ANO4: variants seen among roughly 807,000 people sequenced by gnomAD.
The protein encoded by ANO4 is anoctamin-4.
Under a neutral mutation model 141.9 loss-of-function variants are expected in ANO4, and 69 were observed. The observed-to-expected ratio is 0.49, with a 90% CI of 0.40 to 0.59. ANO4 has a LOEUF of 0.59. ANO4 is among the 20% of genes least tolerant of loss of function. ANO4 has a pLI of 0.00. For synonymous variants in ANO4, 350 were observed against 394.3 expected (o/e 0.89, Z 1.33); for missense variants, 894 against 1,162.2 (o/e 0.77, Z 3.36).
intron 17 of ANO4, among the ~76,000 whole-genome samples, chr12:101,088,303 T>C (rs993285329): frequency 6.6e-6 from 1 of 152,160 alleles, no homozygotes; most frequent in Admixed American, 6.5e-5. Flanking sequence ...CCAGTCTTTG[T>C]TCAAATGTCA....
rs531122449 is a variant in ANO4, at chr12:100,955,431, G to A, written c.456+12896G>A. ...GCTGCCTAGGCTTTCTCATGACATC[G>A]TGGCTGGGTTCTAGGAGAACAAGGT... On this transcript the variant is annotated intron_variant, in intron 5 of 27. Transcript: ENST00000392977. Among the ~76,000 whole-genome samples the A allele has an allele frequency of 1.2e-3, 186 of 152,230 alleles. 1 individual carries two copies. Among genetic ancestry groups the A allele is most frequent in the African/African-American group, 3.9e-3 (164 of 41,538 alleles).
At chr12:101,075,288 A>C (rs2048976938) in intron 14 of ANO4, among the ~76,000 whole-genome samples, 1 of 152,212 alleles carries the variant, frequency 6.6e-6, no homozygotes, top group African/African-American at 2.4e-5. Context: ...GTCAGGGCAG[A>C]GCGAGTTGGG....
rs569160889 is a variant in ANO4 at position 100,890,238 on chromosome 12, T to A, written c.-140-11408T>A. On this transcript the variant is annotated intron_variant, in intron 1 of 27. Transcript: ENST00000392977. ...GCTCACGTAGTAACTCAATCATAAC[T>A]CATCAGAAGTTCCACAGCTACTACA... is the stretch of plus-strand genomic sequence containing the variant. Among the ~76,000 whole-genome samples the A allele has an allele frequency of 2.0e-5, 3 of 152,292 alleles. No individual in the cohort carries two copies. The South Asian group carries it at 6.2e-4, about 32-fold the overall frequency.
chr12:100,776,071 T>C (rs967313619), intron 3 of ANO4, among the ~76,000 whole-genome samples: 7 of 152,218 alleles, frequency 4.6e-5, no homozygotes, highest in Non-Finnish European at 1.0e-4. Context: ...CATTCATGAA[T>C]TTGTTTCTTT....
intron 11 of ANO4, among the ~76,000 whole-genome samples, chr12:101,040,526 C>A (rs559799691): frequency 6.6e-6 from 1 of 152,280 alleles, no homozygotes; most frequent in African/African-American, 2.4e-5. Flanking sequence ...AACTAATAAC[C>A]TTTAAAGATT....
intron 1 of ANO4, among the ~76,000 whole-genome samples, chr12:100,833,962 A>G (rs1318535266): frequency 6.6e-6 from 1 of 152,070 alleles, no homozygotes; most frequent in Non-Finnish European, 1.5e-5. Context: ...GGATACAAGC[A>G]ATAGAAAGGA....
At chr12:100,950,980 TC>T (rs758429555) in intron 5 of ANO4, among the ~76,000 whole-genome samples, 1 of 152,224 alleles carries the variant, frequency 6.6e-6, no homozygotes, top group Non-Finnish European at 1.5e-5. Context: ...GTCAAGTTGT[TC>T]TTCTAATTTT....
At chr12:100,886,501 G>T (rs770085935) in intron 1 of ANO4, among the ~76,000 whole-genome samples, 2 of 152,012 alleles carry the variant, frequency 1.3e-5, no homozygotes, top group African/African-American at 4.8e-5. Context: ...CATGGGGGGC[G>T]TGCTCTTCTC....
intron 3 of ANO4, among the ~76,000 whole-genome samples, chr12:100,748,234 G>A (rs2032200947): frequency 6.6e-6 from 1 of 152,186 alleles, no homozygotes; most frequent in African/African-American, 2.4e-5. Context: ...AACAAATTGT[G>A]ACCAGATACT....
intron 3 of ANO4, among the ~76,000 whole-genome samples, chr12:100,925,816 C>CAT (rs1566018056): frequency 6.9e-6 from 1 of 145,556 alleles, no homozygotes; most frequent in Non-Finnish European, 1.5e-5. Flanking sequence ...CATACATATA[C>CAT]ATACATACAT....
At position 101,127,953 on chromosome 12, in the gene ANO4, C is replaced by T. The variant is rs1385537615; in HGVS notation, c.*97C>T. The T allele has an allele frequency of 6.6e-6, 1 of 152,604 alleles. No individual in the cohort carries two copies. The highest frequency in any genetic ancestry group is 1.5e-5 in the Non-Finnish European group (1 of 68,046). The allele number at this position is 152,604 out of a possible 1,614,324, so 9.5% of individuals were successfully genotyped here. ...TCAAGTGAATGACTAAAAATGCAAC[C>T]ACAGTGCATGTTGCAGATACCGGCG... On this transcript the variant is annotated 3_prime_UTR_variant, in exon 28 of 28. Coordinates refer to ENST00000392977, the MANE Select transcript of ANO4 (RefSeq NM_001286615.2).
chr12:100,929,490 C>T (rs748871712), intron 3 of ANO4, among the ~76,000 whole-genome samples: 16 of 152,028 alleles, frequency 1.1e-4, no homozygotes, highest in Non-Finnish European at 2.2e-4. Context: ...TGTATATGTA[C>T]CACCATTTTC....
chr12:101,099,023 T>C (rs536803096), intron 21 of ANO4, among the ~76,000 whole-genome samples: 1 of 152,174 alleles, frequency 6.6e-6, no homozygotes, highest in Non-Finnish European at 1.5e-5. Context: ...TGTGCTAACC[T>C]TACCAATGCC....
Position 100,971,412 on chromosome 12 carries a change from T to C in ANO4, c.557+6T>C, listed in dbSNP as rs2043929645. 1.3e-6 allele frequency: 2 copies of C among 1,569,310 alleles called. No individual in the cohort carries two copies. The highest frequency in any genetic ancestry group is 2.7e-5 in the African/African-American group (2 of 74,016). ...AATGTAAGAATGCCTTTCAGGTAGG[T>C]GGAAATGTATTTTATTCCACTCTCT... On this transcript the variant is annotated splice_donor_region_variant and intron_variant, in intron 6 of 27. Transcript: ENST00000392977.
intron 3 of ANO4, among the ~76,000 whole-genome samples, chr12:100,779,767 A>C (rs910606133): frequency 6.6e-6 from 1 of 152,102 alleles, no homozygotes; most frequent in Non-Finnish European, 1.5e-5. Context: ...CATCTCCACC[A>C]TGCTGTCCCA....
At chr12:100,978,310 G>T (rs2044296166) in intron 7 of ANO4, among the ~76,000 whole-genome samples, 1 of 152,218 alleles carries the variant, frequency 6.6e-6, no homozygotes, top group Non-Finnish European at 1.5e-5. Flanking sequence ...TCTGCCTAAA[G>T]TTTCAGACAC....
At chr12:101,042,533 G>C (rs754889114) in intron 12 of ANO4, 65 bp downstream of exon 12, 68 of 1,588,204 alleles carry the variant, frequency 4.3e-5, no homozygotes, top group East Asian at 9.0e-5. Context: ...TTGCACTTTG[G>C]GGGTATTCAC....
intron 1 of ANO4, among the ~76,000 whole-genome samples, chr12:100,796,296 A>T (rs1368964664): frequency 6.6e-6 from 1 of 152,110 alleles, no homozygotes; most frequent in Non-Finnish European, 1.5e-5. Flanking sequence ...AGGGGAGAGA[A>T]TGTGGGGTGA....
At chr12:101,019,365 C>CGT (rs143744024) in intron 8 of ANO4, among the ~76,000 whole-genome samples, 37 of 151,470 alleles carry the variant, frequency 2.4e-4, no homozygotes, top group East Asian at 7.8e-4. Context: ...ACTGGAAAGC[C>CGT]GTGTGTGTGT....
Sources: allele counts gnomAD v4.1 joint callset (sites outside exome capture counted in the v4.1 genomes callset), GRCh38; gene constraint gnomAD v4.1.1; transcripts MANE v1.5; gene names NCBI Gene and HGNC (gene_info 2026-07-23, HGNC 2026-07-21).